Variants in MPDZ observed in about 807,000 individuals in gnomAD.
The protein encoded by MPDZ is multiple PDZ domain crumbs cell polarity complex component.
A neutral mutation model predicts 239.1 loss-of-function variants in MPDZ; 234 were observed. The ratio of observed to expected loss-of-function variants is 0.98; its 90% confidence interval spans 0.88 to 1.09. The LOEUF (loss-of-function observed/expected upper bound fraction) is 1.09, where lower values mean the gene tolerates loss of function less well. Ranked by LOEUF, MPDZ falls within the 50% of genes least tolerant of loss-of-function variation. MPDZ has a pLI of 0.00. For synonymous variants in MPDZ, 1,048 were observed against 881.3 expected, an observed-to-expected ratio of 1.19 and a Z score of -3.35; for missense variants, 3,175 against 2,510.0, an observed-to-expected ratio of 1.26 and a Z score of -5.66.
intron 1 of MPDZ, among the ~76,000 whole-genome samples, chr9:13,265,556 C>T (rs559177015): frequency 2.0e-5 from 3 of 152,190 alleles, no homozygotes; most frequent in South Asian, 4.2e-4. Context: ...GCAACAAGAG[C>T]GAAACTCCAT....
Position 13,110,691 on chromosome 9 carries a change from G to A in MPDZ, c.5774C>T (p.Thr1925Ile). 1 of 1,613,692 alleles carries A rather than the reference G, an allele frequency of 6.2e-7. No homozygotes were observed. Among genetic ancestry groups the A allele is most frequent in the Non-Finnish European group, 8.5e-7 (1 of 1,179,762 alleles). ...TICGTSTEGM[T>I]HTQAVNLLKN... The stretch of plus-strand genomic sequence containing the variant: ...CAGTAGGTTAACTGCTTGGGTGTGA[G>A]TCATGCCCTCAGTGGATGTGCCACA... The change falls in exon 44 of 47, where the codon ACT becomes ATT. Residue 1925 changes from threonine (T) to isoleucine (I), a missense_variant. Coordinates refer to ENST00000319217, the MANE Select transcript of MPDZ (RefSeq NM_001378778.1).
At chr9:13,244,492 A>G (rs1966135669) in intron 3 of MPDZ, among the ~76,000 whole-genome samples, 1 of 152,142 alleles carries the variant, frequency 6.6e-6, no homozygotes, top group Non-Finnish European at 1.5e-5. Context: ...GCTATTAGAG[A>G]TTATTCAGGT....
intron 25 of MPDZ, among the ~76,000 whole-genome samples, chr9:13,148,256 A>G (rs1349331594): frequency 2.0e-5 from 3 of 152,106 alleles, no homozygotes; most frequent in Non-Finnish European, 4.4e-5. Flanking sequence ...TTTGACAATG[A>G]AAGTTATTTT....
chr9:13,148,927 A>C (rs1397214081), intron 25 of MPDZ, among the ~76,000 whole-genome samples: 1 of 152,036 alleles, frequency 6.6e-6, no homozygotes, highest in Non-Finnish European at 1.5e-5. Context: ...GTGAACTTTA[A>C]CTTTTTAAAT....
At chr9:13,165,351 A>G in intron 22 of MPDZ, 18 of 1,548,960 alleles carry the variant, frequency 1.2e-5, no homozygotes, top group Non-Finnish European at 1.6e-5. Context: ...TGAGCTTTCG[A>G]ATCACTGATA....
At chr9:13,158,226 A>G in intron 23 of MPDZ, 116 bp from the exon 24 acceptor site, 1 of 705,830 alleles carries the variant, frequency 1.4e-6, no homozygotes, top group South Asian at 2.0e-5. Context: ...TTTTCACCAT[A>G]CATGGCCATA....
chr9:13,133,916 A>C lies in MPDZ; in HGVS notation c.4384-12T>G, dbSNP rs779468130. 6.8e-7 allele frequency: 1 copy of C among 1,476,746 alleles called. No individual in the cohort carries two copies. Among genetic ancestry groups the C allele is most frequent in the South Asian group, 1.6e-5 (1 of 63,908 alleles). 91.5% of individuals were successfully genotyped at this position (1,476,746 alleles called of 1,614,324 possible). On this transcript the variant is annotated splice_polypyrimidine_tract_variant and intron_variant, in intron 31 of 46. Coordinates refer to ENST00000319217, the MANE Select transcript of MPDZ (RefSeq NM_001378778.1). Reference sequence around the variant, plus strand: ...ACAGTTGGCTCTGTCTGACAGAGGGAAAGAAATGACAAAAAGAGCAACTGA... The same window carrying C: ...ACAGTTGGCTCTGTCTGACAGAGGGCAAGAAATGACAAAAAGAGCAACTGA...
chr9:13,127,553 CAAAGA>C (rs1407586885), intron 32 of MPDZ, among the ~76,000 whole-genome samples: 4 of 151,998 alleles, frequency 2.6e-5, no homozygotes, highest in Non-Finnish European at 4.4e-5. Context: ...TTACAAAAAG[CAAAGA>C]AAAGAAAAGA....
At chr9:13,264,867 T>C (rs1224593565) in intron 1 of MPDZ, among the ~76,000 whole-genome samples, 1 of 152,196 alleles carries the variant, frequency 6.6e-6, no homozygotes, top group Admixed American at 6.5e-5. Flanking sequence ...AGATTTGGCC[T>C]CTTCTGTTCT....
chr9:13,152,405 C>A (rs1028209118), intron 24 of MPDZ, among the ~76,000 whole-genome samples: 2 of 152,106 alleles, frequency 1.3e-5, no homozygotes, highest in Non-Finnish European at 2.9e-5. Context: ...GGGGGCAGGT[C>A]TTTCCTGTGC....
intron 7 of MPDZ, among the ~76,000 whole-genome samples, chr9:13,220,710 T>C (rs1012458815): frequency 1.3e-5 from 2 of 152,030 alleles, no homozygotes; most frequent in Non-Finnish European, 2.9e-5. Flanking sequence ...CTGGACTTCC[T>C]ACTTTAAGTT....
chr9:13,158,958 T>C (rs1167884933), intron 23 of MPDZ, among the ~76,000 whole-genome samples: 2 of 152,182 alleles, frequency 1.3e-5, no homozygotes, highest in South Asian at 2.1e-4. Context: ...TCTAAAGAAA[T>C]ATGTCCACAT....
At chr9:13,236,878 C>T (rs935931178) in intron 3 of MPDZ, among the ~76,000 whole-genome samples, 4 of 151,570 alleles carry the variant, frequency 2.6e-5, no homozygotes, top group Admixed American at 6.6e-5. Context: ...GAGTTTCCAC[C>T]GAGATCCTAA....
At chr9:13,232,700 A>T (rs929576795) in intron 3 of MPDZ, among the ~76,000 whole-genome samples, 2 of 151,774 alleles carry the variant, frequency 1.3e-5, no homozygotes, top group Non-Finnish European at 2.9e-5. Flanking sequence ...AAATAAAAAC[A>T]ACTTCTGGTC....
rs1251885613 is a variant in MPDZ at position 13,222,556 on chromosome 9, C to T, written c.534-110G>A. On this transcript the variant is annotated intron_variant, in intron 5 of 46. Coordinates refer to ENST00000319217, the MANE Select transcript of MPDZ (RefSeq NM_001378778.1). ...TTTTTAATCCTATTTTTAATTCCCA[C>T]ACTCTAAGCTTTTTCCTGCAGTTCT... 4 of 856,370 alleles carry T rather than the reference C, an allele frequency of 4.7e-6. No homozygotes were observed. In the African/African-American group the frequency reaches 6.7e-5, roughly 14 times the overall value. 53.0% of individuals were successfully genotyped at this position (856,370 alleles called of 1,614,324 possible).
In MPDZ at chr9:13,205,117, A is replaced by G; in HGVS notation, c.1475-10T>C. 7.4e-7 allele frequency: 1 copy of G among 1,351,724 alleles called. No individual in the cohort carries two copies. The highest frequency in any genetic ancestry group is 9.8e-7 in the Non-Finnish European group (1 of 1,018,634). 83.7% of individuals were successfully genotyped at this position (1,351,724 alleles called of 1,614,324 possible). A position where few individuals can be genotyped will look rare whatever the true frequency, so the allele number is the denominator to read the frequency against. On this transcript the variant is annotated splice_polypyrimidine_tract_variant and intron_variant, in intron 11 of 46. Transcript: ENST00000319217. Reference sequence around the variant, plus strand: ...TCTTTTTCATAATTTTCTTAAAGATAAAAATATTTTAGTAATTTTATCTTT... The same window carrying G: ...TCTTTTTCATAATTTTCTTAAAGATGAAAATATTTTAGTAATTTTATCTTT...
At chr9:13,265,234 T>C (rs1971529084) in intron 1 of MPDZ, among the ~76,000 whole-genome samples, 1 of 152,222 alleles carries the variant, frequency 6.6e-6, no homozygotes, top group Non-Finnish European at 1.5e-5. Flanking sequence ...CTCTTTTGCC[T>C]GCCTGGAATG....
chr9:13,210,384 C>T (rs1957478080), intron 10 of MPDZ, among the ~76,000 whole-genome samples: 1 of 150,730 alleles, frequency 6.6e-6, no homozygotes. Context: ...CATAAAAGAA[C>T]TAAGTGTTGT....
chr9:13,115,731 G>C (rs987255197), intron 39 of MPDZ, among the ~76,000 whole-genome samples: 1 of 151,992 alleles, frequency 6.6e-6, no homozygotes, highest in Non-Finnish European at 1.5e-5. Context: ...GGATCACGAG[G>C]TCAGGAGATC....
Sources: gnomAD v4.1 joint callset for allele counts (sites outside exome capture counted in the v4.1 genomes callset) on GRCh38, gnomAD v4.1.1 for gene constraint, MANE v1.5 for transcripts, NCBI Gene and HGNC (gene_info 2026-07-23, HGNC 2026-07-21) for gene names.